ELFN1: variants seen among roughly 807,000 people sequenced by gnomAD.
ELFN1 encodes the protein extracellular leucine rich repeat and fibronectin type III domain containing 1.
ELFN1 carries 6 observed loss-of-function variants against 7.6 expected under a neutral mutation model. The ratio of observed to expected loss-of-function variants is 0.79; its 90% CI spans 0.43 to 1.56. ELFN1 has a LOEUF of 1.56. ELFN1 is among the 40% of genes most tolerant of loss of function. ELFN1 has a pLI of 0.01. For missense variants in ELFN1, 1,169 were observed against 1,232.2 expected (o/e 0.95, Z 0.77); for synonymous variants, 657 against 588.1 (o/e 1.12, Z -1.70).
At chr7:1,678,543 C>G (rs1583310122) in intron 1 of ELFN1, among the ~76,000 whole-genome samples, 1 of 152,192 alleles carries the variant, frequency 6.6e-6, no homozygotes, top group Non-Finnish European at 1.5e-5. Flanking sequence ...CCAGCATAGC[C>G]TGTCTGGGAC....
chr7:1,708,415 T>C (rs1779582476), intron 2 of ELFN1, among the ~76,000 whole-genome samples: 1 of 152,200 alleles, frequency 6.6e-6, no homozygotes, highest in Non-Finnish European at 1.5e-5. Context: ...CAGCCCAAGG[T>C]CTGTCACTCA....
At chr7:1,719,083 C>T (rs10229636) in intron 3 of ELFN1, among the ~76,000 whole-genome samples, 30 of 150,422 alleles carry the variant, frequency 2.0e-4, no homozygotes, top group East Asian at 9.7e-4. Context: ...TCTCCACCCC[C>T]AGGGGTTACC....
chr7:1,686,119 T>A (rs567871343), intron 1 of ELFN1, among the ~76,000 whole-genome samples: 9 of 151,572 alleles, frequency 5.9e-5, no homozygotes, highest in Non-Finnish European at 1.2e-4. Flanking sequence ...TGTAAGTTTG[T>A]GTTGAAAACA....
intron 3 of ELFN1, among the ~76,000 whole-genome samples, chr7:1,711,606 GA>G (rs1779657239): frequency 4.0e-5 from 6 of 150,132 alleles, no homozygotes; most frequent in African/African-American, 1.5e-4. Flanking sequence ...GAGAGAGAGA[GA>G]GAGAGAGAGA....
rs115920017 is a variant in ELFN1, at chr7:1,672,737, C to T, written c.-549+2383C>T. Among the ~76,000 whole-genome samples the T allele has an allele frequency of 6.3e-3, 963 of 152,224 alleles. 14 individuals carry two copies. Among genetic ancestry groups the T allele is most frequent in the African/African-American group, 0.022 (912 of 41,530 alleles). On this transcript the variant is annotated intron_variant, in intron 1 of 3. Coordinates refer to ENST00000424383, the MANE Select transcript of ELFN1 (RefSeq NM_001128636.4). ...CCCCACCCCAGGATCCCTTCCCCCC[C>T]GACAAGCCAATTCCCCATTTTGGTA...
upstream of ELFN1, among the ~76,000 whole-genome samples, chr7:1,668,199 G>A (rs1778700796): frequency 6.6e-6 from 1 of 152,258 alleles, no homozygotes; most frequent in Admixed American, 6.5e-5. Flanking sequence ...TGACCTCTGG[G>A]GTCAGGCAGT....
rs772744981 is a variant in ELFN1, at chr7:1,695,036, A to C, written c.-456+6886A>C. Among the ~76,000 whole-genome samples, 3 of 152,180 alleles carry C rather than the reference A, an allele frequency of 2.0e-5. No individual in the cohort carries two copies. The highest frequency in any genetic ancestry group is 7.2e-5 in the African/African-American group (3 of 41,452). On this transcript the variant is annotated intron_variant, in intron 2 of 3. Transcript: ENST00000424383. This position sits in a 1 kb window ranked among gnomAD's most constrained non-coding sequence, Gnocchi z 5.1. ...TGCAGAGGGGCGTCGGGCGTCGTGC[A>C]CATGTGCCCATCCCCCTCACTTTGA...
In ELFN1 at chr7:1,745,494, A is replaced by T; in HGVS notation, c.898A>T (p.Thr300Ser). 6.5e-7 allele frequency: 1 copy of T among 1,543,916 alleles called. No homozygotes were observed. The highest frequency in any genetic ancestry group is 1.4e-5 in the African/African-American group (1 of 73,166). Residue 300 changes from threonine (T) to serine (S), a missense_variant, in exon 4 of 4, where the codon ACC becomes TCC. Physicochemically the swap from Thr to Ser is moderately conservative, Grantham distance 58. Coordinates refer to ENST00000424383, the MANE Select transcript of ELFN1 (RefSeq NM_001128636.4). ...TGATGAGTGCTTCTCCGGGGACGGC[A>T]CCACGCCACTGGTGGCCCTGCCCAC... ...ADDECFSGDG[T>S]TPLVALPTLA...
rs1004089558 is a variant in ELFN1 at position 1,735,519 on chromosome 7, C to T, written c.-293-8785C>T. On this transcript the variant is annotated intron_variant, in intron 3 of 3. Coordinates refer to ENST00000424383, the MANE Select transcript of ELFN1 (RefSeq NM_001128636.4). This position sits in a 1 kb window ranked among gnomAD's most constrained non-coding sequence, Gnocchi z 5.9. ...CCATGTCCCCAGGAGCCAGCCCCGC[C>T]GAGTCAGCCCTCCCAGCCCTGGCCT... is the stretch of plus-strand genomic sequence containing the variant. 5.3e-5 allele frequency among the ~76,000 whole-genome samples: 8 copies of T among 152,104 alleles called. No homozygotes were observed. The highest frequency in any genetic ancestry group is 1.0e-4 in the Non-Finnish European group (7 of 67,992).
chr7:1,708,283 G>T (rs951728587), intron 2 of ELFN1, among the ~76,000 whole-genome samples: 3 of 152,214 alleles, frequency 2.0e-5, no homozygotes, highest in Non-Finnish European at 4.4e-5. Context: ...AAGCAAGTAC[G>T]CTGGTGAAAT....
At chr7:1,741,250 G>A (rs531622787) in intron 3 of ELFN1, among the ~76,000 whole-genome samples, 2 of 152,216 alleles carry the variant, frequency 1.3e-5, no homozygotes, top group Admixed American at 6.5e-5. Flanking sequence ...TCCCTGGCAG[G>A]GCGCTGGCCA....
intron 3 of ELFN1, among the ~76,000 whole-genome samples, chr7:1,734,776 C>T (rs897105366): frequency 6.6e-5 from 10 of 152,118 alleles, no homozygotes; most frequent in Admixed American, 3.9e-4. Context: ...TGGCTCACTG[C>T]AGCCTCAACC....
In ELFN1 at chr7:1,747,088, C is replaced by G; in HGVS notation, c.*5C>G. The G allele has an allele frequency of 1.4e-6, 2 of 1,471,804 alleles. No homozygotes were observed. The highest frequency in any genetic ancestry group is 1.8e-6 in the Non-Finnish European group (2 of 1,104,190). The allele number at this position is 1,471,804 out of a possible 1,614,324, so 91.2% of individuals were successfully genotyped here. ...TCGGCCCAGCACAAGTCCTGAGCCC[C>G]CCAAGACCGGCGATGCCCACTGGAC... On this transcript the variant is annotated 3_prime_UTR_variant, in exon 4 of 4. Transcript: ENST00000424383.
At chr7:1,685,312 G>A (rs557807683) in intron 1 of ELFN1, among the ~76,000 whole-genome samples, 34 of 152,238 alleles carry the variant, frequency 2.2e-4, no homozygotes, top group African/African-American at 8.2e-4. Flanking sequence ...CTTATTTGGT[G>A]TTTGTTGATC....
intron 3 of ELFN1, among the ~76,000 whole-genome samples, chr7:1,724,863 C>T (rs186102003): frequency 2.6e-4 from 39 of 152,344 alleles, no homozygotes; most frequent in African/African-American, 8.2e-4. Context: ...CCCCTTTTGG[C>T]CTGTGTCAGC....
chr7:1,672,220 C>T (rs1262206278), intron 1 of ELFN1, among the ~76,000 whole-genome samples: 3 of 152,164 alleles, frequency 2.0e-5, no homozygotes, highest in Non-Finnish European at 4.4e-5. Context: ...TGGTGGGCAC[C>T]TGCACCCAGG....
Position 1,695,183 on chromosome 7 carries a change from G to A in ELFN1, c.-456+7033G>A, listed in dbSNP as rs1384573958. On this transcript the variant is annotated intron_variant, in intron 2 of 3. Transcript: ENST00000424383. The surrounding 1 kb of genome is among the most constrained non-coding windows in gnomAD (Gnocchi z 5.1). ...CATGCGCAGCCCGCTGGGGCTGTGA[G>A]GGTTCTGTCCATCCACCAGGAAGGC... 6.6e-6 allele frequency among the ~76,000 whole-genome samples: 1 copy of A among 152,214 alleles called. No homozygotes were observed. Among genetic ancestry groups the A allele is most frequent in the Non-Finnish European group, 1.5e-5 (1 of 68,044 alleles).
At chr7:1,723,058 A>C (rs980502882) in intron 3 of ELFN1, among the ~76,000 whole-genome samples, 1 of 152,148 alleles carries the variant, frequency 6.6e-6, no homozygotes, top group Non-Finnish European at 1.5e-5. Flanking sequence ...GCCAGGTGTG[A>C]TGGCAGGTGC....
intron 1 of ELFN1, among the ~76,000 whole-genome samples, chr7:1,685,411 C>T (rs992252817): frequency 6.6e-6 from 1 of 152,140 alleles, no homozygotes; most frequent in Non-Finnish European, 1.5e-5. Context: ...GTCTTTCTCT[C>T]TCTCCTGTTC....
Sources: allele counts gnomAD v4.1 joint callset (sites outside exome capture counted in the v4.1 genomes callset), GRCh38; gene constraint gnomAD v4.1.1; non-coding constraint Gnocchi (gnomAD v3.1); transcripts MANE v1.5; gene names NCBI Gene and HGNC (gene_info 2026-07-23, HGNC 2026-07-21).